The following PLPP3 variants were observed in gnomAD, a reference collection of about 807,000 sequenced individuals.
PLPP3 encodes the protein phospholipid phosphatase 3.
Under a neutral mutation model 29.6 loss-of-function variants are expected in PLPP3, and 6 were observed. The observed-to-expected ratio is 0.20, with a 90% CI of 0.11 to 0.40. PLPP3 has a LOEUF of 0.40. PLPP3 is among the 10% of genes least tolerant of loss of function. The pLI is 1.00. For missense variants in PLPP3, 308 were observed against 407.7 expected (o/e 0.76, Z 2.11); for synonymous variants, 152 against 159.7 (o/e 0.95, Z 0.36).
At chr1:56,504,285 G>T (rs905958754) in intron 5 of PLPP3, among the ~76,000 whole-genome samples, 1 of 152,132 alleles carries the variant, frequency 6.6e-6, no homozygotes, top group Non-Finnish European at 1.5e-5. Context: ...GGCAACATAG[G>T]AAGACCCGCC....
intron 5 of PLPP3, among the ~76,000 whole-genome samples, chr1:56,508,799 G>A (rs145322411): frequency 1.1e-3 from 168 of 152,186 alleles, no homozygotes; most frequent in Non-Finnish European, 2.0e-3. Context: ...CAGGCACCTG[G>A]TGCCTTCATC....
intron 4 of PLPP3, among the ~76,000 whole-genome samples, chr1:56,523,359 A>C (rs572201747): frequency 6.6e-6 from 1 of 152,128 alleles, no homozygotes; most frequent in Admixed American, 6.5e-5. Context: ...GTTCACTTTA[A>C]TTTTCTGAGA....
intron 4 of PLPP3, chr1:56,513,159 G>T (rs1389419374): frequency 1.3e-5 from 2 of 152,318 alleles, no homozygotes; most frequent in Non-Finnish European, 2.9e-5. Flanking sequence ...ACTAGACAGG[G>T]TGGAGTAGAA....
chr1:56,507,446 G>A (rs939178229), intron 5 of PLPP3, among the ~76,000 whole-genome samples: 7 of 152,184 alleles, frequency 4.6e-5, no homozygotes, highest in African/African-American at 1.7e-4. Flanking sequence ...TACATACCGA[G>A]AATAAATAAT....
At chr1:56,571,407 A>C (rs1267369820) in intron 1 of PLPP3, among the ~76,000 whole-genome samples, 2 of 152,204 alleles carry the variant, frequency 1.3e-5, no homozygotes, top group African/African-American at 4.8e-5. Flanking sequence ...TCTATGGCCA[A>C]TAATAGTGAG....
chr1:56,496,777 G>A, intron 5 of PLPP3, 101 bp from the exon 6 acceptor site: 1 of 1,319,902 alleles, frequency 7.6e-7, no homozygotes, highest in East Asian at 2.4e-5. Context: ...AGGAAAAGGG[G>A]CCCCAAATCA....
intron 5 of PLPP3, among the ~76,000 whole-genome samples, chr1:56,498,887 C>T (rs1406605626): frequency 4.6e-5 from 7 of 152,164 alleles, no homozygotes; most frequent in Admixed American, 1.3e-4. Context: ...CTGCCTCAGC[C>T]TTCCAAAGAA....
chr1:56,525,814 G>C (rs1378852805), intron 2 of PLPP3, among the ~76,000 whole-genome samples: 1 of 152,108 alleles, frequency 6.6e-6, no homozygotes, highest in Non-Finnish European at 1.5e-5. Context: ...CAATAGTCTG[G>C]CATATCCGGA....
At chr1:56,553,850 GA>G (rs1416618794) in intron 1 of PLPP3, among the ~76,000 whole-genome samples, 1 of 152,164 alleles carries the variant, frequency 6.6e-6, no homozygotes, top group Admixed American at 6.5e-5. Context: ...AGTGATGTGG[GA>G]GGAATAAAAC....
At chr1:56,550,293 C>G (rs1646029352) in intron 1 of PLPP3, among the ~76,000 whole-genome samples, 1 of 152,146 alleles carries the variant, frequency 6.6e-6, no homozygotes, top group South Asian at 2.1e-4. Context: ...GTAAACAACT[C>G]CTAGGTGGTT....
rs148214427 is a variant in PLPP3 at position 56,569,086 on chromosome 1, T to A, written c.139+9792A>T. Among the ~76,000 whole-genome samples, 123 of 152,232 alleles carry A rather than the reference T, an allele frequency of 8.1e-4. 1 individual carries two copies. Among genetic ancestry groups the A allele is most frequent in the African/African-American group, 2.7e-3 (113 of 41,540 alleles). On this transcript the variant is annotated intron_variant, in intron 1 of 5. Transcript: ENST00000371250. ...CCCAAATAAGATTAAATTAATTCCCTCCTCCAATCTTTTCATGAATATGTT... is the reference window on the plus strand; with the variant it reads ...CCCAAATAAGATTAAATTAATTCCCACCTCCAATCTTTTCATGAATATGTT...
At chr1:56,516,887 A>G (rs1645784843) in intron 4 of PLPP3, 1 of 151,840 alleles carries the variant, frequency 6.6e-6, no homozygotes, top group African/African-American at 2.4e-5. Flanking sequence ...TGTAGAACTC[A>G]CTCTGTCAGT....
intron 2 of PLPP3, among the ~76,000 whole-genome samples, chr1:56,526,950 T>C (rs1052075333): frequency 2.0e-4 from 30 of 152,192 alleles, no homozygotes; most frequent in Admixed American, 4.6e-4. Flanking sequence ...TAAGGAACTG[T>C]TTCTAAGCAG....
rs545762352 is a variant in PLPP3 at position 56,561,722 on chromosome 1, T to C, written c.139+17156A>G. The stretch of plus-strand genomic sequence containing the variant: ...GAGAGGAGGCAGGCAGGATTTGAAG[T>C]GACTATCAAGAGGTAAGTAGCTTCT... On this transcript the variant is annotated intron_variant, in intron 1 of 5. Transcript: ENST00000371250. Among the ~76,000 whole-genome samples, 3 of 152,148 alleles carry C rather than the reference T, an allele frequency of 2.0e-5. No individual in the cohort carries two copies. The East Asian group carries it at 5.8e-4, about 29-fold the overall frequency.
intron 1 of PLPP3, among the ~76,000 whole-genome samples, chr1:56,554,171 A>T (rs12751490): frequency 6.6e-6 from 1 of 151,678 alleles, no homozygotes; most frequent in Non-Finnish European, 1.5e-5. Context: ...TAAAGCTTAG[A>T]TCTACCTTTT....
intron 1 of PLPP3, among the ~76,000 whole-genome samples, chr1:56,539,837 T>A (rs954857805): frequency 6.6e-6 from 1 of 152,142 alleles, no homozygotes; most frequent in Non-Finnish European, 1.5e-5. Context: ...CAGTATGATA[T>A]TATTAATAGT....
chr1:56,529,015 C>T (rs1366181390), intron 2 of PLPP3, among the ~76,000 whole-genome samples: 1 of 151,840 alleles, frequency 6.6e-6, no homozygotes, highest in African/African-American at 2.4e-5. Flanking sequence ...GAGAACTCAT[C>T]TTCCACCGCT....
intron 1 of PLPP3, among the ~76,000 whole-genome samples, chr1:56,560,438 A>C (rs1646113785): frequency 6.6e-6 from 1 of 152,206 alleles, no homozygotes; most frequent in Admixed American, 6.5e-5. Flanking sequence ...GAACAATTAG[A>C]ACTGCCTCCA....
intron 2 of PLPP3, among the ~76,000 whole-genome samples, chr1:56,525,316 C>T (rs1265474857): frequency 1.3e-5 from 2 of 152,196 alleles, no homozygotes; most frequent in African/African-American, 4.8e-5. Flanking sequence ...CGATGCCCTT[C>T]AGTGTTTGTG....
Sources: allele counts gnomAD v4.1 joint callset (sites outside exome capture counted in the v4.1 genomes callset), GRCh38; gene constraint gnomAD v4.1.1; transcripts MANE v1.5; gene names NCBI Gene and HGNC (gene_info 2026-07-23, HGNC 2026-07-21).